The following WDR49 variants were observed in gnomAD, a reference collection of about 807,000 sequenced individuals.
WDR49 encodes cilia- and flagella-associated protein 337.
Under a neutral mutation model 119.5 loss-of-function variants are expected in WDR49, and 107 were observed. The ratio of observed to expected loss-of-function variants is 0.90; its 90% confidence interval spans 0.77 to 1.05. The LOEUF is 1.05. WDR49 is among the 50% of genes least tolerant of loss of function. The pLI is 0.00. For synonymous variants in WDR49, 425 were observed against 418.8 expected, an observed-to-expected ratio of 1.01 and a Z score of -0.18; for missense variants, 1,240 against 1,220.5, an observed-to-expected ratio of 1.02 and a Z score of -0.24.
At chr3:167,479,253 A>T (rs1249827282) in intron 18 of WDR49, among the ~76,000 whole-genome samples, 2 of 152,168 alleles carry the variant, frequency 1.3e-5, no homozygotes, top group African/African-American at 2.4e-5. Context: ...CTAAGGGTAG[A>T]GGATTATAGA....
chr3:167,622,915 G>T (rs1196350162), intron 3 of WDR49, among the ~76,000 whole-genome samples: 4 of 151,824 alleles, frequency 2.6e-5, no homozygotes, highest in African/African-American at 9.7e-5. Context: ...TTCAACAAAA[G>T]AAAAATTTGG....
At chr3:167,575,828 T>A in intron 8 of WDR49, 90 bp downstream of exon 8, 1 of 1,330,760 alleles carries the variant, frequency 7.5e-7, no homozygotes, top group Non-Finnish European at 1.0e-6. Context: ...ACTATATTTG[T>A]CTTTCATTTT....
intron 16 of WDR49, among the ~76,000 whole-genome samples, chr3:167,514,196 C>G (rs1752103281): frequency 6.6e-6 from 1 of 152,132 alleles, no homozygotes; most frequent in South Asian, 2.1e-4. Flanking sequence ...TAAAATTGAT[C>G]ACATAATTGG....
upstream of WDR49, among the ~76,000 whole-genome samples, chr3:167,655,066 T>A (rs1316087828): frequency 2.6e-5 from 4 of 151,938 alleles, no homozygotes; most frequent in African/African-American, 9.7e-5. Context: ...AGGAAAGAGG[T>A]TTAATTGACT....
intron 18 of WDR49, among the ~76,000 whole-genome samples, chr3:167,499,422 C>T (rs1362318599): frequency 6.6e-6 from 1 of 152,160 alleles, no homozygotes; most frequent in Non-Finnish European, 1.5e-5. Context: ...AAGTTGAAAA[C>T]TTAAACTTTT....
In WDR49 at chr3:167,482,596, G is replaced by A. The variant is rs1033680704; in HGVS notation, c.3032-3600C>T. Among the ~76,000 whole-genome samples the A allele has an allele frequency of 5.3e-5, 8 of 150,912 alleles. 1 individual carries two copies. The highest frequency in any genetic ancestry group is 2.6e-4 in the Admixed American group (4 of 15,180). ...CGGGAGGCTGAGGCAGGAGAATGGC[G>A]TGAACCCGGGAGGCAGAGCTTGCAG... On this transcript the variant is annotated intron_variant, in intron 18 of 18. Transcript: ENST00000682715.
intron 10 of WDR49, among the ~76,000 whole-genome samples, chr3:167,550,764 T>G (rs1669127154): frequency 8.0e-6 from 1 of 124,446 alleles, no homozygotes; most frequent in African/African-American, 3.4e-5. Flanking sequence ...AACTAGGAGG[T>G]TTTTTTTTTT....
chr3:167,545,269 C>G (rs2108257123), intron 10 of WDR49, among the ~76,000 whole-genome samples: 1 of 151,558 alleles, frequency 6.6e-6, no homozygotes, highest in South Asian at 2.1e-4. Context: ...TAGAACAATA[C>G]TATGGAAAAC....
At chr3:167,561,067 G>A (rs1713241398) in intron 8 of WDR49, among the ~76,000 whole-genome samples, 1 of 152,160 alleles carries the variant, frequency 6.6e-6, no homozygotes, top group African/African-American at 2.4e-5. Flanking sequence ...TAGATTTTAA[G>A]GAAGCTTAAA....
Position 167,627,026 on chromosome 3 carries a change from T to G in WDR49, c.432A>C (p.Gln144His). 7.5e-7 allele frequency: 1 copy of G among 1,330,894 alleles called. No homozygotes were observed. The highest frequency in any genetic ancestry group is 9.6e-7 in the Non-Finnish European group (1 of 1,042,188). 82.4% of individuals were successfully genotyped at this position (1,330,894 alleles called of 1,614,324 possible). ...FLPVKHKDTI[Q>H]KVIFLKNSSH... Reference sequence around the variant, plus strand: ...TTGAATTTTTTAAGAAAATTACTTTTTGAATGGTGTCCTTGTGTTTTACTG... The same window carrying G: ...TTGAATTTTTTAAGAAAATTACTTTGTGAATGGTGTCCTTGTGTTTTACTG... Residue 144 changes from glutamine (Q) to histidine (H), a missense_variant, in exon 3 of 19, where the codon CAA (glutamine) becomes CAC (histidine). By Grantham distance (24) the Gln-to-His change is conservative. Coordinates refer to ENST00000682715, the MANE Select transcript of WDR49 (RefSeq NM_001366157.1).
At chr3:167,497,445 T>A (rs1751396169) in intron 18 of WDR49, among the ~76,000 whole-genome samples, 1 of 152,172 alleles carries the variant, frequency 6.6e-6, no homozygotes, top group Non-Finnish European at 1.5e-5. Flanking sequence ...AAAAATTCTC[T>A]TTGAGAATTT....
intron 8 of WDR49, among the ~76,000 whole-genome samples, chr3:167,562,442 T>G (rs1393077791): frequency 6.6e-6 from 1 of 152,228 alleles, no homozygotes; most frequent in Non-Finnish European, 1.5e-5. Flanking sequence ...AGCCCTTTTT[T>G]TCCTGAAATT....
In WDR49 at chr3:167,553,823, G is replaced by C. The variant is rs1712729327; in HGVS notation, c.1823+827C>G. Among the ~76,000 whole-genome samples, 3 of 152,074 alleles carry C rather than the reference G, an allele frequency of 2.0e-5. No individual in the cohort carries two copies. The South Asian group carries it at 6.2e-4, about 32-fold the overall frequency. The stretch of plus-strand genomic sequence containing the variant: ...TCAAATTACTCCTAAAAATAGGGCA[G>C]TGTGTGGCACTGTTTGCTGGTCTGC... On this transcript the variant is annotated intron_variant, in intron 10 of 18. Coordinates refer to ENST00000682715, the MANE Select transcript of WDR49 (RefSeq NM_001366157.1).
rs1446149120 is a variant in WDR49, at chr3:167,627,031, T to C, written c.427A>G (p.Ile143Val). The C allele has an allele frequency of 1.5e-6, 2 of 1,328,992 alleles. No homozygotes were observed. The highest frequency in any genetic ancestry group is 3.0e-5 in the African/African-American group (2 of 66,912). 82.3% of individuals were successfully genotyped at this position (1,328,992 alleles called of 1,614,324 possible). The part of the protein sequence containing the change: ...EFLPVKHKDT[I>V]QKVIFLKNSS... ...TTTTTTAAGAAAATTACTTTTTGAA[T>C]GGTGTCCTTGTGTTTTACTGGGAGG... Residue 143 changes from isoleucine to valine, a missense_variant, in exon 3 of 19, where the codon ATT (isoleucine) becomes GTT (valine). By Grantham distance (29) the Ile-to-Val change is conservative. Transcript: ENST00000682715.
At chr3:167,534,043 A>G (rs1035281882) in intron 11 of WDR49, among the ~76,000 whole-genome samples, 1 of 151,932 alleles carries the variant, frequency 6.6e-6, no homozygotes, top group Admixed American at 6.6e-5. Flanking sequence ...CAAAAAAAAA[A>G]ACTTAGCTGG....
At chr3:167,552,687 T>C (rs1210091074) in intron 10 of WDR49, among the ~76,000 whole-genome samples, 3 of 151,276 alleles carry the variant, frequency 2.0e-5, no homozygotes, top group Non-Finnish European at 4.4e-5. Context: ...TGAAGACAGA[T>C]ATTTGAGTTA....
chr3:167,517,689 G>A lies in WDR49; in HGVS notation c.2774+4626C>T, dbSNP rs142732735. 6.1e-3 allele frequency among the ~76,000 whole-genome samples: 915 copies of A among 150,090 alleles called. 9 individuals carry two copies. The highest frequency in any genetic ancestry group is 0.02 in the African/African-American group (819 of 40,942). Reference sequence around the variant, plus strand: ...GACCAATGAGATATTTTTTTTTTCCGTTTTTAACCTTTACTTTTTTTTTCT... The same window carrying A: ...GACCAATGAGATATTTTTTTTTTCCATTTTTAACCTTTACTTTTTTTTTCT... On this transcript the variant is annotated intron_variant, in intron 16 of 18. Transcript: ENST00000682715.
intron 8 of WDR49, among the ~76,000 whole-genome samples, chr3:167,571,391 G>T (rs1421855505): frequency 1.3e-5 from 2 of 151,946 alleles, no homozygotes; most frequent in Admixed American, 1.3e-4. Context: ...AAGATTCTAG[G>T]GGGCAATTTA....
intron 7 of WDR49, among the ~76,000 whole-genome samples, chr3:167,598,816 G>A (rs956945122): frequency 6.6e-6 from 1 of 152,234 alleles, no homozygotes; most frequent in Non-Finnish European, 1.5e-5. Context: ...CAAACCCAGT[G>A]ATGCTGTAGT....
Sources: gnomAD v4.1 joint callset for allele counts (sites outside exome capture counted in the v4.1 genomes callset) on GRCh38, gnomAD v4.1.1 for gene constraint, MANE v1.5 for transcripts, NCBI Gene and HGNC (gene_info 2026-07-23, HGNC 2026-07-21) for gene names.